SYN3: variants seen among roughly 807,000 people sequenced by gnomAD.
The protein encoded by SYN3 is synapsin-3.
Under a neutral mutation model 65.8 loss-of-function variants are expected in SYN3, and 35 were observed. The observed-to-expected ratio is 0.53, with a 90% CI of 0.41 to 0.70. The LOEUF (loss-of-function observed/expected upper bound fraction) is 0.70. Among genes scored for constraint, SYN3 ranks in the 30% least tolerant of loss-of-function variants. The pLI, the probability that SYN3 is intolerant of heterozygous loss-of-function variation, is 0.00. For synonymous variants in SYN3, 270 were observed against 292.9 expected, an observed-to-expected ratio of 0.92 and a Z score of 0.80; for missense variants, 680 against 749.0, an observed-to-expected ratio of 0.91 and a Z score of 1.08.
At chr22:32,787,106 G>C (rs1436700449) in intron 6 of SYN3, among the ~76,000 whole-genome samples, 1 of 143,600 alleles carries the variant, frequency 7.0e-6, no homozygotes, top group Non-Finnish European at 1.5e-5. Flanking sequence ...AGAGTGCAGT[G>C]ATGCAATCTC....
intron 6 of SYN3, among the ~76,000 whole-genome samples, chr22:32,675,426 A>G (rs1490178573): frequency 2.0e-5 from 3 of 152,238 alleles, no homozygotes; most frequent in East Asian, 1.9e-4. Flanking sequence ...GCAGCAACCT[A>G]GGGCTATTGT....
chr22:32,992,679 G>T (rs1294037682), intron 2 of SYN3, among the ~76,000 whole-genome samples: 3 of 152,134 alleles, frequency 2.0e-5, no homozygotes, highest in Non-Finnish European at 2.9e-5. Context: ...TGTGCGTGGT[G>T]GTATGTGCCT....
chr22:32,565,151 T>A (rs1400595791), intron 7 of SYN3, among the ~76,000 whole-genome samples: 1 of 139,374 alleles, frequency 7.2e-6, no homozygotes, highest in Non-Finnish European at 1.5e-5. Context: ...GCTCCTGGGC[T>A]GCACCCAAAC....
At chr22:32,566,110 T>G (rs776956700) in intron 7 of SYN3, among the ~76,000 whole-genome samples, 1 of 152,080 alleles carries the variant, frequency 6.6e-6, no homozygotes, top group Non-Finnish European at 1.5e-5. Context: ...CCTAAAGCAC[T>G]GGGATTACAG....
At chr22:32,672,115 C>T (rs929137711) in intron 6 of SYN3, among the ~76,000 whole-genome samples, 5 of 152,166 alleles carry the variant, frequency 3.3e-5, no homozygotes, top group Non-Finnish European at 7.3e-5. Flanking sequence ...CTCCCCCATC[C>T]ATCATGGCCA....
chr22:32,652,416 T>C (rs1040877770), intron 6 of SYN3, among the ~76,000 whole-genome samples: 1 of 144,284 alleles, frequency 6.9e-6, no homozygotes, highest in African/African-American at 2.5e-5. Context: ...TTTTCTTTTT[T>C]GGAAGAAAAC....
intron 6 of SYN3, among the ~76,000 whole-genome samples, chr22:32,722,756 C>T (rs968230246): frequency 3.9e-5 from 6 of 152,216 alleles, no homozygotes; most frequent in African/African-American, 1.4e-4. Flanking sequence ...CAAACCCTAT[C>T]TCTAGGCTAG....
intron 6 of SYN3, among the ~76,000 whole-genome samples, chr22:32,664,677 G>A (rs1434035192): frequency 7.3e-6 from 1 of 137,500 alleles, no homozygotes; most frequent in Non-Finnish European, 1.5e-5. Flanking sequence ...TGCAAGCTCC[G>A]CCTCCTGGGT....
chr22:32,783,611 C>CCCTGTG (rs1049766787), intron 6 of SYN3, among the ~76,000 whole-genome samples: 18 of 152,202 alleles, frequency 1.2e-4, no homozygotes, highest in African/African-American at 4.1e-4. Flanking sequence ...TGCTGGAATC[C>CCCTGTG]CCTGTGCGCC....
chr22:32,537,366 C>T (rs886428434), intron 9 of SYN3, among the ~76,000 whole-genome samples: 1 of 152,078 alleles, frequency 6.6e-6, no homozygotes, highest in Admixed American at 6.6e-5. Flanking sequence ...ACCATGTTGG[C>T]CAGGCTGGTC....
intron 4 of SYN3, among the ~76,000 whole-genome samples, chr22:32,923,185 C>T (rs2050379846): frequency 6.6e-6 from 1 of 152,140 alleles, no homozygotes; most frequent in African/African-American, 2.4e-5. Flanking sequence ...TGGCTGCTGG[C>T]ATCAGTCTTG....
intron 6 of SYN3, among the ~76,000 whole-genome samples, chr22:32,636,560 C>T (rs1022110638): frequency 6.6e-6 from 1 of 152,212 alleles, no homozygotes; most frequent in African/African-American, 2.4e-5. Context: ...CTTGACCTCT[C>T]GCCATCTGCA....
intron 3 of SYN3, among the ~76,000 whole-genome samples, chr22:32,941,532 G>T (rs1415042265): frequency 1.3e-5 from 2 of 150,674 alleles, no homozygotes; most frequent in Non-Finnish European, 3.0e-5. Flanking sequence ...CAACGCAGAA[G>T]ATGGGTGATT....
chr22:32,845,882 G>A (rs929189372), intron 6 of SYN3, among the ~76,000 whole-genome samples: 3 of 152,214 alleles, frequency 2.0e-5, no homozygotes, highest in African/African-American at 7.2e-5. Flanking sequence ...AATGCCTCGG[G>A]AGAACCCTGA....
intron 6 of SYN3, among the ~76,000 whole-genome samples, chr22:32,758,185 G>A (rs984749307): frequency 1.3e-5 from 2 of 152,022 alleles, no homozygotes; most frequent in African/African-American, 4.8e-5. Context: ...GTTTGTTTCC[G>A]GTTGTACCAA....
chr22:32,753,920 T>A (rs1487190448), intron 6 of SYN3, among the ~76,000 whole-genome samples: 1 of 152,206 alleles, frequency 6.6e-6, no homozygotes, highest in Non-Finnish European at 1.5e-5. Flanking sequence ...ATCCCCATTT[T>A]CCATATGAGA....
intron 7 of SYN3, among the ~76,000 whole-genome samples, chr22:32,569,571 C>CTA (rs1555898682): frequency 0.02 from 1,803 of 90,848 alleles, 20 homozygotes; most frequent in South Asian, 0.041. Flanking sequence ...CTCTCTCTCT[C>CTA]TATATATATA....
chr22:32,965,756 A>C (rs1234200725), intron 3 of SYN3, among the ~76,000 whole-genome samples: 3 of 152,052 alleles, frequency 2.0e-5, no homozygotes, highest in Non-Finnish European at 4.4e-5. Context: ...AGTGAGTGGC[A>C]CGATCTCGGC....
At chr22:32,825,971 T>A (rs1198128899) in intron 6 of SYN3, among the ~76,000 whole-genome samples, 1 of 152,306 alleles carries the variant, frequency 6.6e-6, no homozygotes, top group East Asian at 1.9e-4. Flanking sequence ...AAGTTTATAG[T>A]AGCATAGGGA....
Sources: allele counts gnomAD v4.1 joint callset (sites outside exome capture counted in the v4.1 genomes callset), GRCh38; gene constraint gnomAD v4.1.1; transcripts MANE v1.5; gene names NCBI Gene and HGNC (gene_info 2026-07-23, HGNC 2026-07-21).